SGCZ: variants seen among roughly 807,000 people sequenced by gnomAD.
SGCZ encodes the protein zeta-sarcoglycan.
In SGCZ, 40 loss-of-function variants were observed where a neutral mutation model predicts 41.3. That is an observed-to-expected ratio of 0.97 (90% CI 0.75 to 1.26). SGCZ has a LOEUF of 1.26. SGCZ is among the 50% of genes most tolerant of loss of function. The pLI, the probability that SGCZ is intolerant of heterozygous loss-of-function variation, is 0.00. For synonymous variants in SGCZ, 206 were observed against 137.5 expected (o/e 1.50, Z -3.49); for missense variants, 552 against 369.8 (o/e 1.49, Z -4.04).
At chr8:14,620,025 C>T (rs1316415955) in intron 1 of SGCZ, among the ~76,000 whole-genome samples, 2 of 152,198 alleles carry the variant, frequency 1.3e-5, no homozygotes, top group African/African-American at 4.8e-5. Context: ...CATCACACTA[C>T]CTGACTTCAA....
intron 2 of SGCZ, among the ~76,000 whole-genome samples, chr8:14,354,736 A>T (rs1803232061): frequency 6.6e-6 from 1 of 151,868 alleles, no homozygotes; most frequent in East Asian, 1.9e-4. Context: ...ACGATTTTTT[A>T]AAATTTCTAA....
chr8:14,643,961 C>T (rs1259495002), intron 1 of SGCZ, among the ~76,000 whole-genome samples: 1 of 145,134 alleles, frequency 6.9e-6, no homozygotes, highest in African/African-American at 2.5e-5. Flanking sequence ...GAAGAAAGAC[C>T]AATACTTGTA....
chr8:14,823,114 T>C (rs997254876), intron 1 of SGCZ, among the ~76,000 whole-genome samples: 1 of 141,338 alleles, frequency 7.1e-6, no homozygotes, highest in African/African-American at 2.6e-5. Flanking sequence ...CATGAAACCG[T>C]GAAGCTATTA....
In SGCZ at chr8:14,867,312, A is replaced by C. The variant is rs767452938; in HGVS notation, c.40-312386T>G. 5.3e-5 allele frequency among the ~76,000 whole-genome samples: 8 copies of C among 152,098 alleles called. 1 individual carries two copies. Among genetic ancestry groups the C allele is most frequent in the Non-Finnish European group, 1.0e-4 (7 of 68,024 alleles). On this transcript the variant is annotated intron_variant, in intron 1 of 7. Transcript: ENST00000382080. ...CTTTTTAAGAGCTGCATAGTATTCC[A>C]TGGTGTATATGTACTATATTTTCTT...
intron 1 of SGCZ, among the ~76,000 whole-genome samples, chr8:14,588,503 A>C (rs190549509): frequency 1.8e-3 from 278 of 152,296 alleles, no homozygotes; most frequent in Middle Eastern, 6.8e-3. Context: ...CTAATTAAAA[A>C]TTTTGCCCTA....
intron 3 of SGCZ, among the ~76,000 whole-genome samples, chr8:14,278,442 A>G (rs1331649648): frequency 1.3e-5 from 2 of 152,164 alleles, no homozygotes; most frequent in African/African-American, 4.8e-5. Flanking sequence ...TCAAATTACA[A>G]CAAGCAAAGT....
At chr8:14,984,680 T>C (rs1801773447) in intron 1 of SGCZ, among the ~76,000 whole-genome samples, 1 of 152,172 alleles carries the variant, frequency 6.6e-6, no homozygotes, top group Admixed American at 6.5e-5. Context: ...TGGCAATACA[T>C]ATCTTTTGAA....
chr8:15,082,506 C>A (rs948106927), intron 1 of SGCZ, among the ~76,000 whole-genome samples: 1 of 151,456 alleles, frequency 6.6e-6, no homozygotes, highest in African/African-American at 2.4e-5. Context: ...GAGGGAATTT[C>A]CAAAACACTG....
intron 1 of SGCZ, among the ~76,000 whole-genome samples, chr8:14,597,688 G>T (rs1210718558): frequency 1.3e-5 from 2 of 152,088 alleles, no homozygotes; most frequent in Non-Finnish European, 2.9e-5. Flanking sequence ...TGTTGGCCAG[G>T]CTGGTCTCGA....
In SGCZ at chr8:14,699,803, G is replaced by A. The variant is rs555371033; in HGVS notation, c.40-144877C>T. ...CAAAATTACCACAAAAGACATGAAC[G>A]GGCACTTCTTTAAAGAAGACATACA... On this transcript the variant is annotated intron_variant, in intron 1 of 7. Transcript: ENST00000382080. Among the ~76,000 whole-genome samples, 99 of 151,516 alleles carry A rather than the reference G, an allele frequency of 6.5e-4. 1 individual carries two copies. In the South Asian group the frequency reaches 8.3e-3, roughly 13 times the overall value.
chr8:14,424,709 A>G (rs1052319175), intron 2 of SGCZ, among the ~76,000 whole-genome samples: 19 of 152,208 alleles, frequency 1.2e-4, no homozygotes, highest in African/African-American at 4.6e-4. Context: ...TATCTGAATC[A>G]TGTCCAAATT....
chr8:14,883,872 T>G (rs1046243537), intron 1 of SGCZ, among the ~76,000 whole-genome samples: 1 of 150,472 alleles, frequency 6.6e-6, no homozygotes, highest in African/African-American at 2.4e-5. Context: ...ATCATAAGCC[T>G]TGAAAATAGC....
chr8:14,726,797 G>A (rs1269853679), intron 1 of SGCZ, among the ~76,000 whole-genome samples: 1 of 151,740 alleles, frequency 6.6e-6, no homozygotes, highest in Non-Finnish European at 1.5e-5. Flanking sequence ...TAAAAAGATG[G>A]TTAATAAAGC....
chr8:14,995,216 G>A (rs1323237274), intron 1 of SGCZ, among the ~76,000 whole-genome samples: 1 of 152,232 alleles, frequency 6.6e-6, no homozygotes, highest in Non-Finnish European at 1.5e-5. Flanking sequence ...TTTCTGCTTT[G>A]GAAAGCTCAC....
intron 2 of SGCZ, among the ~76,000 whole-genome samples, chr8:14,477,082 T>C (rs997536615): frequency 2.6e-5 from 4 of 152,232 alleles, no homozygotes; most frequent in African/African-American, 9.6e-5. Flanking sequence ...CTACTTATTC[T>C]ACTTTCCTTA....
At chr8:15,042,228 C>T (rs1411971744) in intron 1 of SGCZ, among the ~76,000 whole-genome samples, 1 of 152,186 alleles carries the variant, frequency 6.6e-6, no homozygotes, top group Non-Finnish European at 1.5e-5. Context: ...AGCCTTCATT[C>T]CTGTGATCGA....
At chr8:14,307,541 G>C (rs1585344087) in intron 3 of SGCZ, among the ~76,000 whole-genome samples, 1 of 152,004 alleles carries the variant, frequency 6.6e-6, no homozygotes, top group Admixed American at 6.6e-5. Flanking sequence ...AGCAAAAAAA[G>C]AAAGGGTCTG....
intron 2 of SGCZ, among the ~76,000 whole-genome samples, chr8:14,490,003 G>C (rs560073672): frequency 6.6e-6 from 1 of 151,912 alleles, no homozygotes; most frequent in East Asian, 1.9e-4. Context: ...GAGTAGCTAG[G>C]ATTAAAGGTG....
At chr8:14,868,277 C>T (rs1194849996) in intron 1 of SGCZ, among the ~76,000 whole-genome samples, 1 of 152,166 alleles carries the variant, frequency 6.6e-6, no homozygotes, top group Non-Finnish European at 1.5e-5. Flanking sequence ...GTAAGCTCTG[C>T]TCAAATCTTG....
Sources: gnomAD v4.1 joint callset for allele counts (sites outside exome capture counted in the v4.1 genomes callset) on GRCh38, gnomAD v4.1.1 for gene constraint, MANE v1.5 for transcripts, NCBI Gene and HGNC (gene_info 2026-07-23, HGNC 2026-07-21) for gene names.